Variants in ATAD3A observed in about 807,000 individuals in gnomAD.
The protein encoded by ATAD3A is ATPase family AAA domain-containing protein 3A.
In ATAD3A, 46 loss-of-function variants were observed where a neutral mutation model predicts 73.8. The observed-to-expected ratio is 0.62, with a 90% CI of 0.49 to 0.80. The LOEUF (loss-of-function observed/expected upper bound fraction) is 0.80, where lower values mean the gene tolerates loss of function less well. ATAD3A is among the 30% of genes least tolerant of loss of function. The probability of loss-of-function intolerance (pLI) is 0.00; values close to 1 mark genes in which losing one functional copy is unlikely to be tolerated. For synonymous variants in ATAD3A, 319 were observed against 350.0 expected (o/e 0.91, Z 0.99); for missense variants, 705 against 838.0 (o/e 0.84, Z 1.96).
Position 1,517,399 on chromosome 1 carries a change from G to C in ATAD3A, c.371G>C (p.Arg124Pro). The C allele has an allele frequency of 6.6e-7, 1 of 1,523,814 alleles. No homozygotes were observed. Among genetic ancestry groups the C allele is most frequent in the Non-Finnish European group, 8.8e-7 (1 of 1,137,194 alleles). 94.4% of individuals were successfully genotyped at this position (1,523,814 alleles called of 1,614,324 possible). The change falls in exon 3 of 16, where the codon CGG becomes CCG. Residue 124 changes from arginine to proline, a missense_variant. Physicochemically the swap from Arg to Pro is moderately radical, Grantham distance 103 (BLOSUM62 -2). Transcript: ENST00000378756. ...ERRKTLSEET[R>P]QHQARAQYQD... is the part of the protein sequence containing the mutation. ...AGGAAGACCCTGAGCGAGGAGACCC[G>C]GCAGCACCAGGCCGTAAGAGCGCAA...
chr1:1,523,053 G>A lies in ATAD3A; in HGVS notation c.906+154G>A, dbSNP rs951034425. 2.0e-5 allele frequency among the ~76,000 whole-genome samples: 3 copies of A among 151,800 alleles called. No homozygotes were observed. Among genetic ancestry groups the A allele is most frequent in the South Asian group, 2.1e-4 (1 of 4,802 alleles). ...TCACGGGTGGGTTTTCCTGTCTGGCGCTGTACCTTAGGGGTCTGCATCAGT... is the reference window on the plus strand; with the variant it reads ...TCACGGGTGGGTTTTCCTGTCTGGCACTGTACCTTAGGGGTCTGCATCAGT... On this transcript the variant is annotated intron_variant, in intron 8 of 15. Coordinates refer to ENST00000378756, the MANE Select transcript of ATAD3A (RefSeq NM_001170535.3). The surrounding 1 kb of genome is among the most constrained non-coding windows in gnomAD (Gnocchi z 5.1).
rs1051191035 is a variant in ATAD3A, at chr1:1,526,556, GC to G, written c.1337+30del. 1.9e-6 allele frequency: 3 copies of G among 1,611,718 alleles called. No individual in the cohort carries two copies. The Admixed American group carries it at 5.0e-5, about 27-fold the overall frequency. ...AGTGAGGGAGCCCCTCGGGTCCTGGGCCCCCGGGCAGGGCTGTGCAGCCGTC... is the reference window on the plus strand; with the variant it reads ...AGTGAGGGAGCCCCTCGGGTCCTGGGCCCCGGGCAGGGCTGTGCAGCCGTC... On this transcript the variant is annotated intron_variant, in intron 13 of 15. Coordinates refer to ENST00000378756, the MANE Select transcript of ATAD3A (RefSeq NM_001170535.3).
In ATAD3A at chr1:1,527,094, G is replaced by T. The variant is rs41285832; in HGVS notation, c.1337+563G>T. Reference sequence around the variant, plus strand: ...TCCCCCATAGGGTGACCGCCCCATGGCCAGGCTCCCTAGTCCCTCCCAAGT... The same window carrying T: ...TCCCCCATAGGGTGACCGCCCCATGTCCAGGCTCCCTAGTCCCTCCCAAGT... On this transcript the variant is annotated intron_variant, in intron 13 of 15. Coordinates refer to ENST00000378756, the MANE Select transcript of ATAD3A (RefSeq NM_001170535.3). The T allele has an allele frequency of 9.4e-3, 10,995 of 1,167,378 alleles. 58 individuals carry two copies. The highest frequency in any genetic ancestry group is 0.011 in the Non-Finnish European group (9,795 of 870,142). The allele number at this position is 1,167,378 out of a possible 1,614,324, so 72.3% of individuals were successfully genotyped here.
chr1:1,531,448 C>T (rs6683520), intron 15 of ATAD3A, among the ~76,000 whole-genome samples: 33,324 of 150,326 alleles, frequency 0.22, 8,132 homozygotes, highest in African/African-American at 0.59. Flanking sequence ...AGACTCCATC[C>T]CAAAAAACGA....
Position 1,523,775 on chromosome 1 carries a change from C to T in ATAD3A, c.964-64C>T. The T allele has an allele frequency of 6.2e-7, 1 of 1,609,368 alleles. No individual in the cohort carries two copies. Among genetic ancestry groups the T allele is most frequent in the Non-Finnish European group, 8.5e-7 (1 of 1,177,454 alleles). On this transcript the variant is annotated intron_variant, in intron 9 of 15. Coordinates refer to ENST00000378756, the MANE Select transcript of ATAD3A (RefSeq NM_001170535.3). The surrounding 1 kb of genome is among the most constrained non-coding windows in gnomAD (Gnocchi z 5.1). ...AGTCTGCACCCAGGCATTCCCGCAG[C>T]CCCTTCCCCTGAGGCTTCCATGGGT...
At position 1,534,155 on chromosome 1, in the gene ATAD3A, T is replaced by C. The variant is rs1237713762; in HGVS notation, c.*83T>C. On this transcript the variant is annotated 3_prime_UTR_variant, in exon 16 of 16. Coordinates refer to ENST00000378756, the MANE Select transcript of ATAD3A (RefSeq NM_001170535.3). Reference sequence around the variant, plus strand: ...CTTGCCGGCCCCTGCACATTTAGGATATGCTCCTGGGTGGGGACTGGGCTG... The same window carrying C: ...CTTGCCGGCCCCTGCACATTTAGGACATGCTCCTGGGTGGGGACTGGGCTG... 1 of 1,604,152 alleles carries C rather than the reference T, an allele frequency of 6.2e-7. No homozygotes were observed. Among genetic ancestry groups the C allele is most frequent in the Non-Finnish European group, 8.5e-7 (1 of 1,175,708 alleles).
chr1:1,523,430 C>T lies in ATAD3A; in HGVS notation c.907-81C>T, dbSNP rs1641676183. 2 of 1,556,808 alleles carry T rather than the reference C, an allele frequency of 1.3e-6. No homozygotes were observed. Among genetic ancestry groups the T allele is most frequent in the East Asian group, 2.4e-5 (1 of 41,478 alleles). Reference sequence around the variant, plus strand: ...GGGGCAGCTCCGTTTCTGCGTGTTACCGAGCGTGTGTGTGCGCGTTGGTGG... The same window carrying T: ...GGGGCAGCTCCGTTTCTGCGTGTTATCGAGCGTGTGTGTGCGCGTTGGTGG... On this transcript the variant is annotated intron_variant, in intron 8 of 15. Transcript: ENST00000378756. This position sits in a 1 kb window ranked among gnomAD's most constrained non-coding sequence, Gnocchi z 5.1.
intron 2 of ATAD3A, 89 bp downstream of exon 2, chr1:1,516,177 C>G: frequency 6.3e-7 from 1 of 1,584,804 alleles, no homozygotes; most frequent in Non-Finnish European, 8.6e-7. Context: ...TGGGTAGGGC[C>G]GGGGGTGTGT....
At position 1,520,391 on chromosome 1, in the gene ATAD3A, C is replaced by G. The variant is rs1050943267; in HGVS notation, c.680+85C>G. 1 of 1,592,556 alleles carries G rather than the reference C, an allele frequency of 6.3e-7. No homozygotes were observed. Among genetic ancestry groups the G allele is most frequent in the Non-Finnish European group, 8.6e-7 (1 of 1,166,444 alleles). ...GTCCCAGGGCGCTCTCCAGCTCTTC[C>G]AGGCCTTGCCGCCGTAGGCTGACTC... On this transcript the variant is annotated intron_variant, in intron 6 of 15. Coordinates refer to ENST00000378756, the MANE Select transcript of ATAD3A (RefSeq NM_001170535.3). The surrounding 1 kb of genome is among the most constrained non-coding windows in gnomAD (Gnocchi z 4.0).
At chr1:1,519,115 G>C (rs1012839654) in intron 5 of ATAD3A, 125 bp downstream of exon 5, 6 of 1,565,838 alleles carry the variant, frequency 3.8e-6, no homozygotes, top group Admixed American at 3.6e-5. Context: ...GGCGAGGCCT[G>C]CTGGGGCTCC....
intron 2 of ATAD3A, among the ~76,000 whole-genome samples, chr1:1,516,794 C>A (rs573437204): frequency 6.6e-6 from 1 of 151,888 alleles, no homozygotes; most frequent in Non-Finnish European, 1.5e-5. Flanking sequence ...CTCAGCTCAC[C>A]GCAACCTCTA....
chr1:1,528,259 G>A (rs562631794), intron 14 of ATAD3A, among the ~76,000 whole-genome samples: 9 of 152,290 alleles, frequency 5.9e-5, no homozygotes, highest in Non-Finnish European at 8.8e-5. Flanking sequence ...CACCGCGCCC[G>A]GCGTCTTTTC....
Position 1,521,026 on chromosome 1 carries a change from G to A in ATAD3A, c.750+409G>A, listed in dbSNP as rs188799620. 2.2e-3 allele frequency among the ~76,000 whole-genome samples: 332 copies of A among 152,084 alleles called. 2 individuals are homozygous for A. The highest frequency in any genetic ancestry group is 2.9e-3 in the Non-Finnish European group (196 of 67,996). Reference sequence around the variant, plus strand: ...AAGAAAAAAATTGTCGATAGTCGTGGCTCACACCTGTAATCCCAGCACTTT... The same window carrying A: ...AAGAAAAAAATTGTCGATAGTCGTGACTCACACCTGTAATCCCAGCACTTT... On this transcript the variant is annotated intron_variant, in intron 7 of 15. Transcript: ENST00000378756.
chr1:1,516,184 G>A (rs1274756618), intron 2 of ATAD3A, 96 bp downstream of exon 2: 1 of 1,568,246 alleles, frequency 6.4e-7, no homozygotes, highest in Non-Finnish European at 8.7e-7. Context: ...GGCCGGGGGT[G>A]TGTACATGGG....
At position 1,522,824 on chromosome 1, in the gene ATAD3A, T is replaced by A; in HGVS notation, c.831T>A (p.Ala277=). ...ATLVAGRFIE[A]RLGKPSLVRE... ...TTGTCGCCGGCCGCTTCATCGAGGC[T>A]CGGCTGGGGAAGCCGTCCCTAGTGA... Residue 277 remains alanine, a synonymous_variant, in exon 8 of 16, where the codon GCT becomes GCA. Coordinates refer to ENST00000378756, the MANE Select transcript of ATAD3A (RefSeq NM_001170535.3). The A allele has an allele frequency of 6.2e-7, 1 of 1,610,850 alleles. No individual in the cohort carries two copies. The highest frequency in any genetic ancestry group is 8.5e-7 in the Non-Finnish European group (1 of 1,179,758).
At position 1,531,553 on chromosome 1, in the gene ATAD3A, C is replaced by G. The variant is rs567322344; in HGVS notation, c.1614+2222C>G. Among the ~76,000 whole-genome samples the G allele has an allele frequency of 6.0e-5, 9 of 150,962 alleles. No individual in the cohort carries two copies. The South Asian group carries it at 1.9e-3, about 32-fold the overall frequency. On this transcript the variant is annotated intron_variant, in intron 15 of 15. Transcript: ENST00000378756. ...CTTTGGGAGGCCGAGATGGGCGGAT[C>G]ATGAAGTCAGGAAATCAAGACCATC...
At position 1,520,461 on chromosome 1, in the gene ATAD3A, C is replaced by T. The variant is rs1253611439; in HGVS notation, c.681-87C>T. On this transcript the variant is annotated intron_variant, in intron 6 of 15. Coordinates refer to ENST00000378756, the MANE Select transcript of ATAD3A (RefSeq NM_001170535.3). This position sits in a 1 kb window ranked among gnomAD's most constrained non-coding sequence, Gnocchi z 4.0. ...CTCTGTCCTGGCAAGGCCGTGCCGC[C>T]ATGTCAGGGCCTCACCCTCAACCTG... 2 of 1,609,492 alleles carry T rather than the reference C, an allele frequency of 1.2e-6. No homozygotes were observed. Among genetic ancestry groups the T allele is most frequent in the East Asian group, 2.2e-5 (1 of 44,792 alleles).
chr1:1,518,687 A>AC (rs1400687032), intron 4 of ATAD3A, among the ~76,000 whole-genome samples: 2 of 78,104 alleles, frequency 2.6e-5, no homozygotes, highest in African/African-American at 1.2e-4. Context: ...ACACACACAC[A>AC]CACCCAAACG....
chr1:1,525,571 C>T (rs779366780), intron 12 of ATAD3A, among the ~76,000 whole-genome samples: 3 of 152,134 alleles, frequency 2.0e-5, no homozygotes, highest in Non-Finnish European at 4.4e-5. Context: ...CCCGCCACCA[C>T]ACCTGGCTAA....
Sources: allele counts gnomAD v4.1 joint callset (sites outside exome capture counted in the v4.1 genomes callset), GRCh38; gene constraint gnomAD v4.1.1; non-coding constraint Gnocchi (gnomAD v3.1); transcripts MANE v1.5; gene names NCBI Gene and HGNC (gene_info 2026-07-23, HGNC 2026-07-21).